POC1A: variants seen among roughly 807,000 people sequenced by gnomAD.
POC1A encodes POC1 centriolar protein homolog A.
POC1A carries 34 observed loss-of-function variants against 47.8 expected under a neutral mutation model. The observed-to-expected ratio is 0.71, with a 90% confidence interval of 0.54 to 0.95. The LOEUF (loss-of-function observed/expected upper bound fraction) is 0.95, where lower values mean the gene tolerates loss of function less well. POC1A is among the 40% of genes least tolerant of loss of function. The probability of loss-of-function intolerance (pLI) is 0.00; values close to 1 mark genes in which losing one functional copy is unlikely to be tolerated. For missense variants in POC1A, 466 were observed against 528.3 expected (o/e 0.88, Z 1.16); for synonymous variants, 177 against 207.6 (o/e 0.85, Z 1.27).
At chr3:52,128,519 G>A (rs1352288537) in intron 7 of POC1A, among the ~76,000 whole-genome samples, 1 of 152,114 alleles carries the variant, frequency 6.6e-6, no homozygotes, top group Non-Finnish European at 1.5e-5. Context: ...TACCTTCCAC[G>A]AAGGCTCCTG....
intron 9 of POC1A, among the ~76,000 whole-genome samples, chr3:52,104,022 T>G (rs1196476078): frequency 6.6e-6 from 1 of 152,188 alleles, no homozygotes; most frequent in Non-Finnish European, 1.5e-5. Flanking sequence ...CATATTTCCA[T>G]AGAAAAATAT....
intron 6 of POC1A, among the ~76,000 whole-genome samples, chr3:52,143,826 C>T (rs933953423): frequency 2.0e-5 from 3 of 152,192 alleles, no homozygotes; most frequent in South Asian, 2.1e-4. Context: ...CCTTAAATGA[C>T]GAGGCTAGTC....
At chr3:52,104,187 T>C (rs1179692561) in intron 9 of POC1A, among the ~76,000 whole-genome samples, 1 of 152,156 alleles carries the variant, frequency 6.6e-6, no homozygotes, top group Non-Finnish European at 1.5e-5. Flanking sequence ...AATCTCAAAA[T>C]AATTAGACTG....
chr3:52,122,246 A>G (rs1703806628), intron 9 of POC1A, 133 bp downstream of exon 9: 4 of 600,392 alleles, frequency 6.7e-6, no homozygotes, highest in African/African-American at 1.9e-5. Context: ...GGTAAATGAG[A>G]AGATCTTGCT....
intron 2 of POC1A, among the ~76,000 whole-genome samples, chr3:52,150,517 G>A (rs1257488171): frequency 6.6e-6 from 1 of 152,162 alleles, no homozygotes; most frequent in Non-Finnish European, 1.5e-5. Flanking sequence ...AGTCATAAAA[G>A]CTGTGTACGA....
chr3:52,145,702 C>A (rs1010503851), intron 6 of POC1A, 144 bp downstream of exon 6: 2 of 591,304 alleles, frequency 3.4e-6, no homozygotes, highest in African/African-American at 3.7e-5. Context: ...AGACTCCCAC[C>A]CCTGGAATCC....
intron 7 of POC1A, 121 bp downstream of exon 7, chr3:52,138,048 C>T: frequency 9.5e-7 from 1 of 1,053,756 alleles, no homozygotes; most frequent in Non-Finnish European, 1.4e-6. Flanking sequence ...CATGGAAATG[C>T]CTCCATCCAT....
intron 4 of POC1A, among the ~76,000 whole-genome samples, chr3:52,147,955 A>T (rs1288945507): frequency 2.0e-5 from 3 of 152,136 alleles, no homozygotes; most frequent in Non-Finnish European, 4.4e-5. Flanking sequence ...ACATAAATAA[A>T]CAAAAAGAAA....
At chr3:52,144,996 C>T (rs1471157340) in intron 6 of POC1A, among the ~76,000 whole-genome samples, 1 of 152,216 alleles carries the variant, frequency 6.6e-6, no homozygotes, top group East Asian at 1.9e-4. Context: ...AACCACGGTT[C>T]TTCAAACAAC....
intron 6 of POC1A, 72 bp downstream of exon 6, chr3:52,145,774 C>T: frequency 1.0e-6 from 1 of 991,314 alleles, no homozygotes; most frequent in Non-Finnish European, 1.6e-6. Context: ...CACTACAGCA[C>T]AGGACAACAT....
intron 7 of POC1A, among the ~76,000 whole-genome samples, chr3:52,136,468 T>C (rs1388745884): frequency 6.6e-6 from 1 of 152,196 alleles, no homozygotes; most frequent in Non-Finnish European, 1.5e-5. Flanking sequence ...AGTAGAGCTA[T>C]AACATCCATT....
intron 7 of POC1A, among the ~76,000 whole-genome samples, chr3:52,127,127 T>C (rs1193778374): frequency 1.3e-5 from 2 of 152,176 alleles, no homozygotes; most frequent in African/African-American, 2.4e-5. Flanking sequence ...TAAGCCACCA[T>C]TAACCAGGAT....
chr3:52,138,173 T>A lies in POC1A; in HGVS notation c.809A>T (p.His270Leu). ...EGRLLYTLHG[H>L]QGPATTVAFS... ...CACCTGGCCGACACCTCTCACCTGA[T>A]GCCCGTGGAGTGTGTAGAGCAGCCG... Residue 270 changes from histidine (H) to leucine (L), a missense_variant, in exon 7 of 11, where the codon CAT (histidine) becomes CTT (leucine). Coordinates refer to ENST00000296484, the MANE Select transcript of POC1A (RefSeq NM_015426.5). The A allele has an allele frequency of 1.1e-5, 17 of 1,614,172 alleles. No individual in the cohort carries two copies. Among genetic ancestry groups the A allele is most frequent in the Non-Finnish European group, 1.3e-5 (15 of 1,180,006 alleles).
intron 7 of POC1A, among the ~76,000 whole-genome samples, chr3:52,126,386 C>A (rs1704001985): frequency 6.6e-6 from 1 of 152,218 alleles, no homozygotes; most frequent in Non-Finnish European, 1.5e-5. Flanking sequence ...CAGCCTCAGA[C>A]ACACTGGACA....
intron 9 of POC1A, among the ~76,000 whole-genome samples, chr3:52,119,391 G>T (rs1283370698): frequency 6.6e-6 from 1 of 151,256 alleles, no homozygotes; most frequent in African/African-American, 2.4e-5. Flanking sequence ...AGCATCAGAA[G>T]ACTTTTTTTT....
intron 7 of POC1A, among the ~76,000 whole-genome samples, chr3:52,130,646 G>A (rs998269137): frequency 6.6e-6 from 1 of 152,202 alleles, no homozygotes; most frequent in Non-Finnish European, 1.5e-5. Flanking sequence ...CCCAAGCCAG[G>A]TGTGACCCTC....
chr3:52,133,631 C>T (rs1369037176), intron 7 of POC1A, among the ~76,000 whole-genome samples: 2 of 152,114 alleles, frequency 1.3e-5, no homozygotes, highest in Non-Finnish European at 2.9e-5. Flanking sequence ...TCTGTCCTGG[C>T]GCTCCTTGTA....
rs1351484244 is a variant in POC1A at position 52,096,713 on chromosome 3, C to T, written c.982-1G>A. The stretch of plus-strand genomic sequence containing the variant: ...GGGGGACAGGGAAGTCCACTTCTGG[C>T]TAAAGACAGAAAGAAAAAAGTTCCT... On this transcript the variant is annotated splice_acceptor_variant, in intron 9 of 10. Transcript: ENST00000296484. LOFTEE classifies it high-confidence loss of function. 2 of 1,575,324 alleles carry T rather than the reference C, an allele frequency of 1.3e-6. No individual in the cohort carries two copies. Among genetic ancestry groups the T allele is most frequent in the Admixed American group, 3.9e-5 (2 of 51,500 alleles).
Position 52,138,270 on chromosome 3 carries a change from G to A in POC1A, c.712C>T (p.His238Tyr), listed in dbSNP as rs776149139. 1.2e-6 allele frequency: 2 copies of A among 1,613,904 alleles called. No individual in the cohort carries two copies. Among genetic ancestry groups the A allele is most frequent in the South Asian group, 1.1e-5 (1 of 91,050 alleles). The change falls in exon 7 of 11, where the codon CAC (histidine) becomes TAC (tyrosine). Residue 238 changes from histidine (H) to tyrosine (Y), a missense_variant. Physicochemically the swap from His to Tyr is moderately conservative, Grantham distance 83. Coordinates refer to ENST00000296484, the MANE Select transcript of POC1A (RefSeq NM_015426.5). ...GTGATCAGGTAGTTTCCCGACGGGT[G>A]GAAAGAGAGCCCGTTCACTGCTGCA... ...HSAAVNGLSF[H>Y]PSGNYLITAS...
Sources: gnomAD v4.1 joint callset for allele counts (sites outside exome capture counted in the v4.1 genomes callset) on GRCh38, gnomAD v4.1.1 for gene constraint, MANE v1.5 for transcripts, NCBI Gene and HGNC (gene_info 2026-07-23, HGNC 2026-07-21) for gene names.